LRBA: variants seen among roughly 807,000 people sequenced by gnomAD.
LRBA encodes LPS responsive beige-like anchor protein, also known as lipopolysaccharide-responsive and beige-like anchor protein.
Under a neutral mutation model 330.0 loss-of-function variants are expected in LRBA, and 176 were observed. The ratio of observed to expected loss-of-function variants is 0.53; its 90% CI spans 0.47 to 0.60. The LOEUF is 0.60. Ranked by LOEUF, LRBA falls within the 20% of genes least tolerant of loss-of-function variation. The pLI, the probability that LRBA is intolerant of heterozygous loss-of-function variation, is 0.00. For synonymous variants in LRBA, 1,230 were observed against 1,193.0 expected, an observed-to-expected ratio of 1.03 and a Z score of -0.64; for missense variants, 3,259 against 3,444.8, an observed-to-expected ratio of 0.95 and a Z score of 1.35.
intron 17 of LRBA, among the ~76,000 whole-genome samples, chr4:150,881,820 C>G (rs888737094): frequency 6.6e-6 from 1 of 152,206 alleles, no homozygotes; most frequent in African/African-American, 2.4e-5. Flanking sequence ...GGCGCGGTGG[C>G]TCACACCTGT....
intron 2 of LRBA, among the ~76,000 whole-genome samples, chr4:150,971,689 A>G (rs920684896): frequency 6.6e-6 from 1 of 152,230 alleles, no homozygotes; most frequent in African/African-American, 2.4e-5. Flanking sequence ...ATTTAATACT[A>G]AATTTTATGT....
chr4:151,011,597 C>CA (rs77338885), intron 2 of LRBA, among the ~76,000 whole-genome samples: 6,777 of 89,702 alleles, frequency 0.076, 349 homozygotes, highest in East Asian at 0.21. Flanking sequence ...GACTCTATCT[C>CA]AAAAAAAAAA....
At chr4:150,374,106 A>G (rs367965479) in intron 47 of LRBA, among the ~76,000 whole-genome samples, 1 of 152,296 alleles carries the variant, frequency 6.6e-6, no homozygotes, top group East Asian at 1.9e-4. Context: ...CTTGAAATCT[A>G]GATTTTACCA....
At chr4:150,548,342 A>G (rs895950332) in intron 40 of LRBA, among the ~76,000 whole-genome samples, 2 of 152,174 alleles carry the variant, frequency 1.3e-5, no homozygotes, top group African/African-American at 4.8e-5. Context: ...CAACAGTAAG[A>G]TGAGGATACA....
intron 40 of LRBA, among the ~76,000 whole-genome samples, chr4:150,560,876 C>T (rs1462806382): frequency 1.3e-5 from 2 of 152,086 alleles, no homozygotes; most frequent in African/African-American, 4.8e-5. Context: ...ATCCCAGCCA[C>T]TCGGCAGGCT....
At position 150,280,269 on chromosome 4, in the gene LRBA, G is replaced by A. The variant is rs369390796; in HGVS notation, c.8316+2181C>T. Among the ~76,000 whole-genome samples, 4 of 152,140 alleles carry A rather than the reference G, an allele frequency of 2.6e-5. No individual in the cohort carries two copies. In the East Asian group the frequency reaches 7.7e-4, roughly 29 times the overall value. On this transcript the variant is annotated intron_variant, in intron 55 of 56. Coordinates refer to ENST00000651943, the MANE Select transcript of LRBA (RefSeq NM_001364905.1). The stretch of plus-strand genomic sequence containing the variant: ...TGGGTTGTGACTAGAGGTTTTCAGA[G>A]GGCCCCAGACACATGTTAATCTCAT...
rs146816228 is a variant in LRBA at position 150,759,703 on chromosome 4, G to A, written c.5645+2080C>T. Among the ~76,000 whole-genome samples, 414 of 151,456 alleles carry A rather than the reference G, an allele frequency of 2.7e-3. 2 individuals are homozygous for A. The highest frequency in any genetic ancestry group is 7.1e-3 in the African/African-American group (292 of 41,228). ...TTTTTATTGTTTATAATCTGTCAAT[G>A]CCTATTTGAATGTACAATCCACGAA... On this transcript the variant is annotated intron_variant, in intron 35 of 56. Transcript: ENST00000651943.
At chr4:150,489,287 A>ATATATAATATATTATATATAC (rs1561250553) in intron 41 of LRBA, among the ~76,000 whole-genome samples, 13,785 of 56,960 alleles carry the variant, frequency 0.24, 3,322 homozygotes, top group South Asian at 0.43. Flanking sequence ...ATTATATATA[A>ATATATAATATATTATATATAC]GAATATATAA....
intron 44 of LRBA, among the ~76,000 whole-genome samples, chr4:150,437,542 T>G (rs1361676768): frequency 6.7e-6 from 1 of 149,400 alleles, no homozygotes; most frequent in Non-Finnish European, 1.5e-5. Flanking sequence ...AAATATCACA[T>G]TAAAAATAAT....
chr4:150,955,614 G>A (rs549970012), intron 2 of LRBA, among the ~76,000 whole-genome samples: 11 of 147,328 alleles, frequency 7.5e-5, no homozygotes, highest in Admixed American at 1.3e-4. Context: ...GACGTAGGCC[G>A]GGCGCCGTGG....
At chr4:150,554,537 G>C (rs2100109901) in intron 40 of LRBA, among the ~76,000 whole-genome samples, 1 of 152,082 alleles carries the variant, frequency 6.6e-6, no homozygotes, top group South Asian at 2.1e-4. Context: ...ACAGTGAAGA[G>C]AAACCCTAAA....
chr4:150,492,561 G>A (rs569871633), intron 40 of LRBA, among the ~76,000 whole-genome samples: 12 of 152,192 alleles, frequency 7.9e-5, no homozygotes, highest in African/African-American at 2.9e-4. Context: ...GCATCTATTT[G>A]TTCTCTCTTT....
At chr4:150,960,552 A>G (rs1738030858) in intron 2 of LRBA, among the ~76,000 whole-genome samples, 1 of 149,226 alleles carries the variant, frequency 6.7e-6, no homozygotes, top group Non-Finnish European at 1.5e-5. Flanking sequence ...AGATTACATA[A>G]TTACAAATAA....
intron 37 of LRBA, among the ~76,000 whole-genome samples, chr4:150,682,223 T>C (rs947379430): frequency 1.3e-5 from 2 of 152,154 alleles, no homozygotes; most frequent in Non-Finnish European, 1.5e-5. Flanking sequence ...TGATATCAAA[T>C]CTGTAATAAT....
chr4:150,658,816 C>T (rs113535048), intron 37 of LRBA, among the ~76,000 whole-genome samples: 17,002 of 17,188 alleles, frequency 0.99, 8,474 homozygotes, highest in Middle Eastern at 1. Flanking sequence ...TGGACTGTAC[C>T]GCTGCCATCT....
chr4:150,878,089 T>G (rs973557890), intron 17 of LRBA, among the ~76,000 whole-genome samples: 5 of 151,874 alleles, frequency 3.3e-5, no homozygotes, highest in South Asian at 2.1e-4. Context: ...TCCCAACACT[T>G]TAGGAGGTCA....
At chr4:150,741,128 C>T (rs1731913624) in intron 35 of LRBA, among the ~76,000 whole-genome samples, 1 of 151,898 alleles carries the variant, frequency 6.6e-6, no homozygotes, top group Non-Finnish European at 1.5e-5. Flanking sequence ...CTGCACCAAA[C>T]AAAAATACAC....
chr4:150,657,268 A>G (rs1189453591), intron 37 of LRBA, among the ~76,000 whole-genome samples: 1 of 152,218 alleles, frequency 6.6e-6, no homozygotes, highest in Non-Finnish European at 1.5e-5. Context: ...TTAAAAAAAC[A>G]AAATATAATT....
chr4:150,448,482 G>C lies in LRBA; in HGVS notation c.6781-11618C>G, dbSNP rs922198943. Among the ~76,000 whole-genome samples the C allele has an allele frequency of 2.6e-5, 4 of 152,100 alleles. 1 individual carries two copies. The highest frequency in any genetic ancestry group is 9.7e-5 in the African/African-American group (4 of 41,422). ...CTGCTATAATTTTGGCAAAGCATGG[G>C]AGGAAGAGGTAGTCAACATAAAAGT... On this transcript the variant is annotated intron_variant, in intron 44 of 56. Coordinates refer to ENST00000651943, the MANE Select transcript of LRBA (RefSeq NM_001364905.1).
Sources: allele counts gnomAD v4.1 joint callset (sites outside exome capture counted in the v4.1 genomes callset), GRCh38; gene constraint gnomAD v4.1.1; transcripts MANE v1.5; gene names NCBI Gene and HGNC (gene_info 2026-07-23, HGNC 2026-07-21).